BATF: variants seen among roughly 807,000 people sequenced by gnomAD.
BATF encodes the protein basic leucine zipper ATF-like transcription factor, also known as basic leucine zipper transcriptional factor ATF-like.
In BATF, 5 loss-of-function variants were observed where a neutral mutation model predicts 13.7. The observed-to-expected ratio is 0.36, with a 90% CI of 0.19 to 0.77. BATF has a LOEUF of 0.77. Ranked by LOEUF, BATF falls within the 30% of genes least tolerant of loss-of-function variation. The probability of loss-of-function intolerance (pLI) is 0.51; values close to 1 mark genes in which losing one functional copy is unlikely to be tolerated. For missense variants in BATF, 124 were observed against 163.0 expected (o/e 0.76, Z 1.30); for synonymous variants, 72 against 67.5 (o/e 1.07, Z -0.33).
chr14:75,542,782 G>T (rs1053429375), intron 2 of BATF, among the ~76,000 whole-genome samples: 14 of 152,242 alleles, frequency 9.2e-5, no homozygotes, highest in Admixed American at 3.9e-4. Flanking sequence ...ACTGGCGGTG[G>T]TTTTCTGGTT....
intron 1 of BATF, among the ~76,000 whole-genome samples, chr14:75,524,789 C>T (rs188755145): frequency 8.0e-5 from 12 of 149,366 alleles, no homozygotes; most frequent in Admixed American, 5.3e-4. Context: ...CACACTTCAT[C>T]GCCTTAACCA....
Position 75,546,527 on chromosome 14 carries a change from A to T in BATF, c.234A>T (p.Glu78Asp). Residue 78 changes from glutamate to aspartate, a missense_variant, in exon 3 of 3, where the codon GAA becomes GAT. Coordinates refer to ENST00000286639, the MANE Select transcript of BATF (RefSeq NM_006399.5). ...AGGAGATCAAGCAGCTCACAGAGGAACTGAAGTACTTCACGTCGGTGCTGA... is the reference window on the plus strand; with the variant it reads ...AGGAGATCAAGCAGCTCACAGAGGATCTGAAGTACTTCACGTCGGTGCTGA... ...LRKEIKQLTEELKYFTSVLNS... is the reference protein window; with the variant it reads ...LRKEIKQLTEDLKYFTSVLNS... 1 of 1,614,192 alleles carries T rather than the reference A, an allele frequency of 6.2e-7. No individual in the cohort carries two copies. Among genetic ancestry groups the T allele is most frequent in the Non-Finnish European group, 8.5e-7 (1 of 1,180,022 alleles).
At chr14:75,533,386 C>T (rs147471342) in intron 2 of BATF, among the ~76,000 whole-genome samples, 13,237 of 150,380 alleles carry the variant, frequency 0.088, 703 homozygotes, top group Non-Finnish European at 0.13. Context: ...TGAGATCACA[C>T]CACTGCACTC....
At chr14:75,536,043 G>T (rs145823205) in intron 2 of BATF, among the ~76,000 whole-genome samples, 367 of 152,288 alleles carry the variant, frequency 2.4e-3, no homozygotes, top group Non-Finnish European at 4.6e-3. Context: ...GGAACAGTTC[G>T]TTCTAGGCAC....
At chr14:75,526,246 GC>G (rs1416490390) in intron 2 of BATF, among the ~76,000 whole-genome samples, 1 of 152,084 alleles carries the variant, frequency 6.6e-6, no homozygotes, top group Non-Finnish European at 1.5e-5. Flanking sequence ...TCTTCACTCT[GC>G]CCCCAGTATG....
intron 2 of BATF, among the ~76,000 whole-genome samples, chr14:75,542,986 G>A (rs1887919522): frequency 2.0e-5 from 3 of 152,106 alleles, no homozygotes; most frequent in Admixed American, 6.5e-5. Flanking sequence ...CTTCTGCCTC[G>A]GGGTTTGCCC....
In BATF at chr14:75,546,879, C is replaced by A; in HGVS notation, c.*208C>A. ...GAGGGGCGTGTGCTGGACCCCACCA[C>A]TGTGGGTTGCAGGCCCAATGCAGAA... On this transcript the variant is annotated 3_prime_UTR_variant, in exon 3 of 3. Coordinates refer to ENST00000286639, the MANE Select transcript of BATF (RefSeq NM_006399.5). The A allele has an allele frequency of 1.3e-6, 1 of 747,668 alleles. No homozygotes were observed. The highest frequency in any genetic ancestry group is 2.3e-6 in the Non-Finnish European group (1 of 426,332). The allele number at this position is 747,668 out of a possible 1,614,324, so 46.3% of individuals were successfully genotyped here. A position where few individuals can be genotyped will look rare whatever the true frequency, so the allele number is the denominator to read the frequency against.
At chr14:75,538,566 G>C (rs1595007302) in intron 2 of BATF, among the ~76,000 whole-genome samples, 1 of 152,130 alleles carries the variant, frequency 6.6e-6, no homozygotes, top group African/African-American at 2.4e-5. Flanking sequence ...GTGTGGGTAA[G>C]TACACAGATA....
chr14:75,527,183 T>A (rs1164325605), intron 2 of BATF, among the ~76,000 whole-genome samples: 1 of 152,168 alleles, frequency 6.6e-6, no homozygotes, highest in East Asian at 1.9e-4. Flanking sequence ...CATTCATAAA[T>A]ACTCAAAAAT....
At chr14:75,537,965 T>C (rs554157372) in intron 2 of BATF, among the ~76,000 whole-genome samples, 45 of 152,268 alleles carry the variant, frequency 3.0e-4, no homozygotes, top group Admixed American at 9.8e-4. Flanking sequence ...TTATGTTATA[T>C]TTTTATTATT....
chr14:75,523,988 T>G (rs1011065812), intron 1 of BATF, among the ~76,000 whole-genome samples: 3 of 152,164 alleles, frequency 2.0e-5, no homozygotes, highest in African/African-American at 7.2e-5. Flanking sequence ...AGCACTTCCT[T>G]CCTATCTATG....
In BATF at chr14:75,546,451, C is replaced by T. The variant is rs200717484; in HGVS notation, c.169-11C>T. On this transcript the variant is annotated splice_polypyrimidine_tract_variant and intron_variant, in intron 2 of 2. Coordinates refer to ENST00000286639, the MANE Select transcript of BATF (RefSeq NM_006399.5). ...GACACTAACCTCCGGTGCTGATCCC[C>T]ACCCCTACAGGAGAGCGAAGACCTG... 2.9e-5 allele frequency: 47 copies of T among 1,613,812 alleles called. No homozygotes were observed. The highest frequency in any genetic ancestry group is 3.7e-5 in the Non-Finnish European group (44 of 1,179,842).
intron 2 of BATF, among the ~76,000 whole-genome samples, chr14:75,540,718 G>T (rs1364931416): frequency 6.6e-6 from 1 of 152,130 alleles, no homozygotes. Flanking sequence ...ACACAAGTTT[G>T]TTGAAAATAT....
chr14:75,545,388 ATTTTT>A lies in BATF; in HGVS notation c.169-1057_169-1053del, dbSNP rs35791450. Among the ~76,000 whole-genome samples the A allele has an allele frequency of 6.7e-5, 7 of 105,216 alleles. 1 individual carries two copies. The highest frequency in any genetic ancestry group is 7.3e-5 in the Non-Finnish European group (4 of 55,128). 69.0% of individuals were successfully genotyped at this position (105,216 alleles called of 152,430 possible). A position where few individuals can be genotyped will look rare whatever the true frequency, so the allele number is the denominator to read the frequency against. On this transcript the variant is annotated intron_variant, in intron 2 of 2. Transcript: ENST00000286639. ...AGGTGTGCACCACCACGCCTGGTTA[ATTTTT>A]TTTTTTTTTTTTTTTTGTATTTTTA... is the stretch of plus-strand genomic sequence containing the variant.
intron 2 of BATF, among the ~76,000 whole-genome samples, chr14:75,540,566 AG>A (rs1306652056): frequency 2.6e-5 from 4 of 152,234 alleles, no homozygotes; most frequent in Non-Finnish European, 5.9e-5. Flanking sequence ...GAAAGGATGG[AG>A]GGCACAGACT....
chr14:75,532,817 G>C (rs1304227878), intron 2 of BATF, among the ~76,000 whole-genome samples: 5 of 152,184 alleles, frequency 3.3e-5, no homozygotes, highest in African/African-American at 1.2e-4. Flanking sequence ...AAATTACAAA[G>C]AGCATGCAGA....
rs1887856219 is a variant in BATF, at chr14:75,538,873, C to A, written c.169-7589C>A. On this transcript the variant is annotated intron_variant, in intron 2 of 2. Coordinates refer to ENST00000286639, the MANE Select transcript of BATF (RefSeq NM_006399.5). ...CCGAGATCGTGCCACTGCACTCCAG[C>A]CTGGGCGACAGAGCGAGACACGGTC... 2.0e-5 allele frequency among the ~76,000 whole-genome samples: 3 copies of A among 152,222 alleles called. No homozygotes were observed. The South Asian group carries it at 6.2e-4, about 31-fold the overall frequency.
At chr14:75,531,628 C>T (rs935585186) in intron 2 of BATF, among the ~76,000 whole-genome samples, 3 of 152,180 alleles carry the variant, frequency 2.0e-5, no homozygotes, top group African/African-American at 4.8e-5. Flanking sequence ...GGTTTACAGG[C>T]TCCAGGGATG....
At chr14:75,533,422 CGTCTCA>C (rs1887768939) in intron 2 of BATF, among the ~76,000 whole-genome samples, 1 of 139,938 alleles carries the variant, frequency 7.1e-6, no homozygotes, top group African/African-American at 2.7e-5. Context: ...AGTGAGACTC[CGTCTCA>C]AAAAAAAAAA....
Sources: allele counts gnomAD v4.1 joint callset (sites outside exome capture counted in the v4.1 genomes callset), GRCh38; gene constraint gnomAD v4.1.1; transcripts MANE v1.5; gene names NCBI Gene and HGNC (gene_info 2026-07-23, HGNC 2026-07-21).